Variants in TTC39B observed in about 807,000 individuals in gnomAD.
TTC39B encodes the protein tetratricopeptide repeat domain 39B, also known as tetratricopeptide repeat protein 39B.
TTC39B carries 92 observed loss-of-function variants against 96.6 expected under a neutral mutation model. The ratio of observed to expected loss-of-function variants is 0.95; its 90% CI spans 0.80 to 1.13. TTC39B has a LOEUF of 1.13. Among genes scored for constraint, TTC39B ranks in the 50% most tolerant of loss-of-function variants. The pLI, the probability that TTC39B is intolerant of heterozygous loss-of-function variation, is 0.00. For synonymous variants in TTC39B, 367 were observed against 299.4 expected (o/e 1.23, Z -2.33); for missense variants, 955 against 809.3 (o/e 1.18, Z -2.18).
chr9:15,184,686 G>A (rs1431318405), intron 16 of TTC39B, among the ~76,000 whole-genome samples: 1 of 152,176 alleles, frequency 6.6e-6, no homozygotes, highest in Non-Finnish European at 1.5e-5. Flanking sequence ...AGCCAGTTAT[G>A]GCTCTTGAGC....
intron 8 of TTC39B, among the ~76,000 whole-genome samples, chr9:15,197,387 C>A (rs969751662): frequency 6.6e-6 from 1 of 152,116 alleles, no homozygotes; most frequent in Non-Finnish European, 1.5e-5. Flanking sequence ...TCTACCACCC[C>A]CTTCCAGGAT....
intron 1 of TTC39B, among the ~76,000 whole-genome samples, chr9:15,277,922 A>C (rs144095385): frequency 2.0e-5 from 3 of 152,236 alleles, no homozygotes; most frequent in Admixed American, 1.3e-4. Context: ...AGTTCACACA[A>C]TGATTCTTCG....
intron 1 of TTC39B, among the ~76,000 whole-genome samples, chr9:15,289,997 C>T (rs768922729): frequency 4.6e-5 from 7 of 152,140 alleles, no homozygotes; most frequent in Non-Finnish European, 8.8e-5. Flanking sequence ...CGTGCTCTCC[C>T]GGTCTTGATT....
At position 15,233,296 on chromosome 9, in the gene TTC39B, C is replaced by G. The variant is rs573578851; in HGVS notation, c.276-7284G>C. 1.3e-3 allele frequency among the ~76,000 whole-genome samples: 205 copies of G among 152,248 alleles called. 1 individual carries two copies. Among genetic ancestry groups the G allele is most frequent in the African/African-American group, 4.5e-3 (187 of 41,570 alleles). Reference sequence around the variant, plus strand: ...GCCGGTGCCATGACACCGGAACACACGGCGACAAGGAGAAGGGAGAAGAAA... The same window carrying G: ...GCCGGTGCCATGACACCGGAACACAGGGCGACAAGGAGAAGGGAGAAGAAA... On this transcript the variant is annotated intron_variant, in intron 2 of 19. Coordinates refer to ENST00000512701, the Ensembl canonical transcript of TTC39B.
At chr9:15,228,514 T>C (rs923660350) in intron 2 of TTC39B, among the ~76,000 whole-genome samples, 12 of 152,218 alleles carry the variant, frequency 7.9e-5, no homozygotes, top group African/African-American at 2.9e-4. Context: ...GCAAAGATGG[T>C]TCCTATACGA....
intron 1 of TTC39B, among the ~76,000 whole-genome samples, chr9:15,302,364 C>T (rs1290737136): frequency 6.6e-6 from 1 of 151,334 alleles, no homozygotes; most frequent in African/African-American, 2.4e-5. Context: ...CGCCTGTAAT[C>T]CCAGCACTTT....
chr9:15,233,915 G>A (rs1272637071), intron 2 of TTC39B, among the ~76,000 whole-genome samples: 45 of 151,738 alleles, frequency 3.0e-4, no homozygotes, highest in Non-Finnish European at 4.6e-4. Flanking sequence ...AGTGAGGAGC[G>A]CCTCTTCCCC....
intron 3 of TTC39B, among the ~76,000 whole-genome samples, chr9:15,225,590 C>T (rs1320738265): frequency 1.3e-5 from 2 of 151,950 alleles, no homozygotes; most frequent in African/African-American, 4.8e-5. Context: ...TCCATTTTCC[C>T]CAATGTTTGG....
chr9:15,249,725 G>C, intron 2 of TTC39B: 1 of 286,954 alleles, frequency 3.5e-6, no homozygotes, highest in East Asian at 1.4e-4. Context: ...GAGGGTCAGA[G>C]GGGAAGCCAA....
Position 15,287,206 on chromosome 9 carries a change from A to T in TTC39B, c.241-19258T>A, listed in dbSNP as rs142361471. Among the ~76,000 whole-genome samples the T allele has an allele frequency of 5.3e-5, 8 of 152,364 alleles. No homozygotes were observed. The East Asian group carries it at 1.3e-3, about 26-fold the overall frequency. The stretch of plus-strand genomic sequence containing the variant: ...TGCTTGGAGGGGAGCCCAAAGGGCC[A>T]TCAGTATTTGTATGACAATAATAGC... On this transcript the variant is annotated intron_variant, in intron 1 of 19. Coordinates refer to ENST00000512701, the Ensembl canonical transcript of TTC39B.
At chr9:15,181,607 G>A (rs750772285) in intron 17 of TTC39B, among the ~76,000 whole-genome samples, 1 of 152,122 alleles carries the variant, frequency 6.6e-6, no homozygotes, top group Non-Finnish European at 1.5e-5. Flanking sequence ...GTGGCCTCTA[G>A]CACAACCAAA....
intron 11 of TTC39B, among the ~76,000 whole-genome samples, chr9:15,190,345 G>GT (rs112574702): frequency 2.0e-5 from 3 of 151,374 alleles, no homozygotes; most frequent in Non-Finnish European, 4.4e-5. Flanking sequence ...GTCTTGTTTT[G>GT]TTTTTTTTAA....
intron 10 of TTC39B, 121 bp from the exon 11 acceptor site, chr9:15,190,783 G>A: frequency 1.3e-6 from 1 of 790,202 alleles, no homozygotes; most frequent in South Asian, 1.7e-5. Context: ...ATTACGCTGT[G>A]GTGAAGTCTG....
intron 1 of TTC39B, among the ~76,000 whole-genome samples, chr9:15,297,098 A>C: frequency 6.6e-6 from 1 of 152,220 alleles, no homozygotes; most frequent in Non-Finnish European, 1.5e-5. Flanking sequence ...GCTCTCCTGC[A>C]TTAATCACTT....
intron 1 of TTC39B, among the ~76,000 whole-genome samples, chr9:15,289,998 G>A (rs539220126): frequency 1.2e-4 from 19 of 152,174 alleles, no homozygotes; most frequent in East Asian, 5.8e-4. Flanking sequence ...GTGCTCTCCC[G>A]GTCTTGATTT....
chr9:15,205,037 C>G (rs1397950529), intron 6 of TTC39B, among the ~76,000 whole-genome samples: 3 of 152,174 alleles, frequency 2.0e-5, no homozygotes, highest in Admixed American at 6.5e-5. Flanking sequence ...TATTTAGGAG[C>G]CTGAGCTGCT....
chr9:15,221,757 T>C (rs1586904820), intron 3 of TTC39B, among the ~76,000 whole-genome samples: 1 of 152,244 alleles, frequency 6.6e-6, no homozygotes, highest in Admixed American at 6.5e-5. Context: ...AAAAAGCACT[T>C]AGTCTACATA....
At chr9:15,166,533 G>A (rs577302924) in exon 20 of TTC39B, 146 of 152,324 alleles carry the variant, frequency 9.6e-4, no homozygotes, top group African/African-American at 3.4e-3. Context: ...AGGACAGTCT[G>A]TCAAGATCAG....
intron 1 of TTC39B, among the ~76,000 whole-genome samples, chr9:15,301,550 T>C (rs1824590212): frequency 1.3e-5 from 2 of 151,820 alleles, no homozygotes; most frequent in South Asian, 4.2e-4. Flanking sequence ...TAGTCAGGAG[T>C]TTGAGACCAG....
Sources: allele counts gnomAD v4.1 joint callset (sites outside exome capture counted in the v4.1 genomes callset), GRCh38; gene constraint gnomAD v4.1.1; transcripts MANE v1.5; gene names NCBI Gene and HGNC (gene_info 2026-07-23, HGNC 2026-07-21).